CRNKL1: variants seen among roughly 807,000 people sequenced by gnomAD.
CRNKL1 encodes crooked neck-like protein 1.
In CRNKL1, 35 loss-of-function variants were observed where a neutral mutation model predicts 103.7. That is an observed-to-expected ratio of 0.34 (90% confidence interval 0.26 to 0.45). CRNKL1 has a LOEUF of 0.45. CRNKL1 is among the 20% of genes least tolerant of loss of function. The pLI is 1.00. For synonymous variants in CRNKL1, 267 were observed against 282.6 expected (o/e 0.94, Z 0.55); for missense variants, 645 against 836.0 (o/e 0.77, Z 2.82).
chr20:20,038,012 G>A (rs549133867), intron 12 of CRNKL1, among the ~76,000 whole-genome samples: 184 of 152,002 alleles, frequency 1.2e-3, no homozygotes, highest in African/African-American at 4.2e-3. Flanking sequence ...GCTTGAACCT[G>A]GGAGGCGGAG....
At chr20:20,042,994 G>A (rs1351033407) in intron 7 of CRNKL1, among the ~76,000 whole-genome samples, 1 of 152,090 alleles carries the variant, frequency 6.6e-6, no homozygotes, top group African/African-American at 2.4e-5. Context: ...CTTGACTAAG[G>A]AAGAGTATTT....
In CRNKL1 at chr20:20,049,044, T is replaced by C. The variant is rs113559477; in HGVS notation, c.296+296A>G. Reference sequence around the variant, plus strand: ...CATTGGTTTTATTTTTTTTGGCCATTGTTTAGCTGAAATTTGTAAAAATCT... The same window carrying C: ...CATTGGTTTTATTTTTTTTGGCCATCGTTTAGCTGAAATTTGTAAAAATCT... On this transcript the variant is annotated intron_variant, in intron 3 of 13. Transcript: ENST00000536226. 9.1e-4 allele frequency among the ~76,000 whole-genome samples: 102 copies of C among 111,948 alleles called. 1 individual carries two copies. The highest frequency in any genetic ancestry group is 5.5e-3 in the African/African-American group (102 of 18,606). The allele number at this position is 111,948 out of a possible 152,430, so 73.4% of individuals were successfully genotyped here. A position where few individuals can be genotyped will look rare whatever the true frequency, so the allele number is the denominator to read the frequency against.
chr20:20,040,573 GT>G, intron 10 of CRNKL1, 112 bp downstream of exon 10: 1 of 786,064 alleles, frequency 1.3e-6, no homozygotes, highest in Non-Finnish European at 2.2e-6. Context: ...GGCTATAAAG[GT>G]ATAATACTTC....
In CRNKL1 at chr20:20,037,485, G is replaced by A. The variant is rs1247027227; in HGVS notation, c.1734C>T (p.Asn578=). 1 of 1,614,136 alleles carries A rather than the reference G, an allele frequency of 6.2e-7. No individual in the cohort carries two copies. Residue 578 remains asparagine, a synonymous_variant, in exon 13 of 14, where the codon AAC becomes AAT. Transcript: ENST00000536226. Reference sequence around the variant, plus strand: ...TTTCTTCACAGTTTCGCATGGTTTTGTTAGCTTCTTCATAAATTTGTCTGC... The same window carrying A: ...TTTCTTCACAGTTTCGCATGGTTTTATTAGCTTCTTCATAAATTTGTCTGC... The part of the protein sequence containing the change: ...TKCRQIYEEA[N]KTMRNCEEKE...
At position 20,039,784 on chromosome 20, in the gene CRNKL1, T is replaced by C; in HGVS notation, c.1370A>G (p.Gln457Arg). The C allele has an allele frequency of 6.2e-7, 1 of 1,614,220 alleles. No homozygotes were observed. The highest frequency in any genetic ancestry group is 8.5e-7 in the Non-Finnish European group (1 of 1,180,024). ...CCGGCATCTGTCAAATTCTCGAAGC[T>C]GTAGCTCCAATTCTATGTAAACTTT... ...LFKVYIELEL[Q>R]LREFDRCRKL... is the part of the protein sequence containing the mutation. The change falls in exon 11 of 14, where the codon CAG becomes CGG. Residue 457 changes from glutamine (Q) to arginine (R), a missense_variant. Around this residue, in one of 2 missense-constraint regions of CRNKL1, gnomAD observed 582 missense variants for 707.7 expected, o/e 0.82. Transcript: ENST00000536226.
Position 20,035,253 on chromosome 20 carries a change from A to AAAT in CRNKL1, c.*939_*941dup, listed in dbSNP as rs1270508173. On this transcript the variant is annotated 3_prime_UTR_variant, in exon 14 of 14. Transcript: ENST00000536226. Reference sequence around the variant, plus strand: ...GACTCCATTGTCCACTAAGTTTGGGAAATAAATAATATGGCAACATTGCTA... The same window carrying AAAT: ...GACTCCATTGTCCACTAAGTTTGGGAAATAATAAATAATATGGCAACATTGCTA... 6.6e-6 allele frequency: 1 copy of AAAT among 152,206 alleles called. No individual in the cohort carries two copies. The highest frequency in any genetic ancestry group is 6.5e-5 in the Admixed American group (1 of 15,286). 9.4% of individuals were successfully genotyped at this position (152,206 alleles called of 1,614,324 possible).
intron 1 of CRNKL1, 85 bp downstream of exon 1, chr20:20,052,207 A>T: frequency 8.4e-7 from 1 of 1,187,478 alleles, no homozygotes; most frequent in Non-Finnish European, 1.2e-6. Context: ...CGGCGGGAAC[A>T]CTCTCTCCCA....
chr20:20,045,537 TAGTA>T (rs759158558), intron 5 of CRNKL1, 51 bp from the exon 6 acceptor site: 4 of 1,514,060 alleles, frequency 2.6e-6, no homozygotes, highest in African/African-American at 1.4e-5. Flanking sequence ...CTTAAAAAAA[TAGTA>T]AGTAAGTAAA....
chr20:20,040,793 T>G, intron 9 of CRNKL1, 27 bp from the exon 10 acceptor site: 1 of 1,473,014 alleles, frequency 6.8e-7, no homozygotes, highest in Non-Finnish European at 9.4e-7. Context: ...CAAAAATATC[T>G]AGCTTAAAAG....
chr20:20,047,617 A>G, intron 5 of CRNKL1, 148 bp downstream of exon 5: 1 of 688,444 alleles, frequency 1.5e-6, no homozygotes. Flanking sequence ...CTCTTTCCCT[A>G]CAAAACATAG....
chr20:20,042,349 T>C lies in CRNKL1; in HGVS notation c.1140A>G (p.Ala380=), dbSNP rs1305955558. 1.2e-6 allele frequency: 2 copies of C among 1,613,048 alleles called. No homozygotes were observed. The highest frequency in any genetic ancestry group is 1.7e-6 in the Non-Finnish European group (2 of 1,179,700). Reference sequence around the variant, plus strand: ...CCTTTGCCTCCAATTCTTCATAGAGTGCATAGTTGATCCAAAGATAAATGT... The same window carrying C: ...CCTTTGCCTCCAATTCTTCATAGAGCGCATAGTTGATCCAAAGATAAATGT... ...KRYIYLWINY[A]LYEELEAKDP... is the part of the protein sequence containing the mutation. The change falls in exon 8 of 14, where the codon GCA becomes GCG. Residue 380 remains alanine (A), a synonymous_variant. Coordinates refer to ENST00000536226, the MANE Select transcript of CRNKL1 (RefSeq NM_001278628.2).
upstream of CRNKL1, chr20:20,056,024 T>G: frequency 6.2e-7 from 1 of 1,600,130 alleles, no homozygotes; most frequent in Non-Finnish European, 8.5e-7. Flanking sequence ...TTAGAGATTC[T>G]CTTCCCAAAG....
Position 20,052,402 on chromosome 20 carries a change from G to C in CRNKL1, c.-60C>G, listed in dbSNP as rs1194980940. On this transcript the variant is annotated 5_prime_UTR_variant, in exon 1 of 14. Coordinates refer to ENST00000536226, the MANE Select transcript of CRNKL1 (RefSeq NM_001278628.2). ...GGCACGGACGCTAGAAATCGGCTCT[G>C]AGAGCTCACCGAAACCACAAAGCTT... 6.2e-7 allele frequency: 1 copy of C among 1,614,092 alleles called. No individual in the cohort carries two copies. Among genetic ancestry groups the C allele is most frequent in the African/African-American group, 1.3e-5 (1 of 74,932 alleles).
chr20:20,049,007 AT>A (rs2043639530), intron 3 of CRNKL1, among the ~76,000 whole-genome samples: 1 of 151,410 alleles, frequency 6.6e-6, no homozygotes, highest in Non-Finnish European at 1.5e-5. Context: ...TGCAATTTTT[AT>A]TTTTTTTGGC....
rs1463153379 is a variant in CRNKL1, at chr20:20,041,632, T to A, written c.1165-7A>T. 1 of 1,607,968 alleles carries A rather than the reference T, an allele frequency of 6.2e-7. No homozygotes were observed. Among genetic ancestry groups the A allele is most frequent in the Non-Finnish European group, 8.5e-7 (1 of 1,174,808 alleles). On this transcript the variant is annotated splice_region_variant and splice_polypyrimidine_tract_variant and intron_variant, in intron 8 of 13. Coordinates refer to ENST00000536226, the MANE Select transcript of CRNKL1 (RefSeq NM_001278628.2). ...GTCTTGTCCTCTCAGGATCCTGTAT[T>A]AGGATAAGAAATTTTCACAAAATAT...
chr20:20,036,048 G>C lies in CRNKL1; in HGVS notation c.*147C>G. ...CAATCCCTACCCCTAGCTAACCCAA[G>C]AGCATTTAAAAAATAACTTAAAAAG... On this transcript the variant is annotated 3_prime_UTR_variant, in exon 14 of 14. Coordinates refer to ENST00000536226, the MANE Select transcript of CRNKL1 (RefSeq NM_001278628.2). 1.2e-6 allele frequency: 1 copy of C among 841,834 alleles called. No homozygotes were observed. Among genetic ancestry groups the C allele is most frequent in the South Asian group, 2.0e-5 (1 of 49,410 alleles). The allele number at this position is 841,834 out of a possible 1,614,324, so 52.1% of individuals were successfully genotyped here.
At position 20,049,340 on chromosome 20, in the gene CRNKL1, C is replaced by G. The variant is rs148078969; in HGVS notation, c.296G>C (p.Arg99Thr). The G allele has an allele frequency of 6.6e-7, 1 of 1,514,364 alleles. No homozygotes were observed. The highest frequency in any genetic ancestry group is 9.1e-7 in the Non-Finnish European group (1 of 1,096,910). The allele number at this position is 1,514,364 out of a possible 1,614,324, so 93.8% of individuals were successfully genotyped here. Residue 99 changes from arginine (R) to threonine (T), a missense_variant and splice_region_variant, in exon 3 of 14, where the codon AGG becomes ACG. Arg to Thr is a moderately conservative substitution (Grantham distance 71). Around this residue, in one of 2 missense-constraint regions of CRNKL1, gnomAD observed 63 missense variants for 128.3 expected, o/e 0.49. Coordinates refer to ENST00000536226, the MANE Select transcript of CRNKL1 (RefSeq NM_001278628.2). ...QWEESLKEIQRARSIYERALD... is the reference protein window; with the variant it reads ...QWEESLKEIQTARSIYERALD... ...AAAACTACACTCTCAGTAATTTTAC[C>G]TTTGAATCTCCTTTAGGCTTTCTTC...
At chr20:20,041,245 ACT>A (rs1348124869) in intron 9 of CRNKL1, among the ~76,000 whole-genome samples, 1 of 152,146 alleles carries the variant, frequency 6.6e-6, no homozygotes, top group Non-Finnish European at 1.5e-5. Context: ...GCACACACTC[ACT>A]GTTACCAACA....
intron 6 of CRNKL1, among the ~76,000 whole-genome samples, chr20:20,044,103 C>T (rs1239467120): frequency 6.6e-6 from 1 of 152,160 alleles, no homozygotes; most frequent in Admixed American, 6.5e-5. Flanking sequence ...CAATCTCTTC[C>T]ACACAGCCAT....
Sources: allele counts gnomAD v4.1 joint callset (sites outside exome capture counted in the v4.1 genomes callset), GRCh38; gene constraint gnomAD v4.1.1; regional missense constraint gnomAD v4.1.1; transcripts MANE v1.5; gene names NCBI Gene and HGNC (gene_info 2026-07-23, HGNC 2026-07-21).